Variants in AHDC1 observed in about 807,000 individuals in gnomAD.
The protein encoded by AHDC1 is AT-hook DNA binding motif containing 1, also known as transcription factor Gibbin.
Under a neutral mutation model 87.9 loss-of-function variants are expected in AHDC1, and 7 were observed. That is an observed-to-expected ratio of 0.08 (90% CI 0.05 to 0.15). The LOEUF is 0.15. Among genes scored for constraint, AHDC1 ranks in the 10% least tolerant of loss-of-function variants. The pLI is 1.00. For synonymous variants in AHDC1, 1,051 were observed against 1,006.8 expected, an observed-to-expected ratio of 1.04 and a Z score of -0.83; for missense variants, 1,841 against 2,253.2, an observed-to-expected ratio of 0.82 and a Z score of 3.70.
At chr1:27,546,262 G>A (rs1236395594) in intron 8 of AHDC1, among the ~76,000 whole-genome samples, 2 of 152,188 alleles carry the variant, frequency 1.3e-5, no homozygotes, top group African/African-American at 4.8e-5. Flanking sequence ...TCGGGAGCAG[G>A]CTGTTCTTCA....
At chr1:27,575,379 G>C (rs918540809) in intron 3 of AHDC1, among the ~76,000 whole-genome samples, 2 of 152,056 alleles carry the variant, frequency 1.3e-5, no homozygotes, top group Non-Finnish European at 2.9e-5. Flanking sequence ...GGCGGGACTG[G>C]ACCCCCGCCA....
intron 3 of AHDC1, among the ~76,000 whole-genome samples, chr1:27,572,544 T>G (rs2088566847): frequency 6.6e-6 from 1 of 152,202 alleles, no homozygotes; most frequent in African/African-American, 2.4e-5. Context: ...ACACATGCAC[T>G]GTTCAGAGGC....
In AHDC1 at chr1:27,547,422, C is replaced by A; in HGVS notation, c.4694G>T (p.Arg1565Met). 2 of 1,582,238 alleles carry A rather than the reference C, an allele frequency of 1.3e-6. No individual in the cohort carries two copies. Among genetic ancestry groups the A allele is most frequent in the South Asian group, 1.1e-5 (1 of 87,626 alleles). ...CGCCTGGGGCATAAAGCCTGGGTAC[C>A]TGTAGGCGGTGTCCTGCAGGGGCAG... ...SLLPLQDTAY[R>M]YPGFMPQAHP... The change falls in exon 8 of 9, where the codon AGG becomes ATG. Residue 1565 changes from arginine (R) to methionine (M), a missense_variant. Coordinates refer to ENST00000673934, the MANE Select transcript of AHDC1 (RefSeq NM_001371928.1). The surrounding 1 kb of genome is among the most constrained non-coding windows in gnomAD (Gnocchi z 4.9).
At chr1:27,581,131 C>T (rs191242842) in intron 3 of AHDC1, among the ~76,000 whole-genome samples, 3 of 151,898 alleles carry the variant, frequency 2.0e-5, no homozygotes, top group Admixed American at 1.3e-4. Context: ...CACCACGTCC[C>T]GCCTGTTTTT....
At position 27,563,495 on chromosome 1, in the gene AHDC1, A is replaced by G. The variant is rs2020190956; in HGVS notation, c.-628-4612T>C. Among the ~76,000 whole-genome samples the G allele has an allele frequency of 6.6e-6, 1 of 152,168 alleles. No individual in the cohort carries two copies. Among genetic ancestry groups the G allele is most frequent in the Non-Finnish European group, 1.5e-5 (1 of 68,034 alleles). ...TCCCTGCAGACTGTGGGATGGGTAC[A>G]CAACATGTCACCTCCCCGGCTGCCT... On this transcript the variant is annotated intron_variant, in intron 3 of 8. Coordinates refer to ENST00000673934, the MANE Select transcript of AHDC1 (RefSeq NM_001371928.1). The surrounding 1 kb of genome is among the most constrained non-coding windows in gnomAD (Gnocchi z 6.1).
chr1:27,567,346 T>C (rs2020365592), intron 3 of AHDC1, among the ~76,000 whole-genome samples: 1 of 151,818 alleles, frequency 6.6e-6, no homozygotes, highest in Admixed American at 6.6e-5. Flanking sequence ...GAATCCCAAT[T>C]GTTAAAGCCC....
At chr1:27,576,920 T>TA (rs1431558006) in intron 3 of AHDC1, among the ~76,000 whole-genome samples, 4 of 152,014 alleles carry the variant, frequency 2.6e-5, no homozygotes, top group African/African-American at 9.7e-5. Flanking sequence ...CACACACACA[T>TA]ATATACAGTG....
At chr1:27,596,006 T>C (rs1205011445) in intron 3 of AHDC1, among the ~76,000 whole-genome samples, 2 of 151,900 alleles carry the variant, frequency 1.3e-5, no homozygotes, top group African/African-American at 4.8e-5. Context: ...TTAGAAGGTG[T>C]TGGGAGCTGT....
Position 27,560,995 on chromosome 1 carries a change from C to T in AHDC1, c.-628-2112G>A, listed in dbSNP as rs1386813055. On this transcript the variant is annotated intron_variant, in intron 3 of 8. Transcript: ENST00000673934. The surrounding 1 kb of genome is among the most constrained non-coding windows in gnomAD (Gnocchi z 4.1). ...CTCTCTCTCTGTAGGAGCCAGACAA[C>T]TCCCCAAGCCTGGATTAGGGACAAT... is the stretch of plus-strand genomic sequence containing the variant. Among the ~76,000 whole-genome samples the T allele has an allele frequency of 1.3e-5, 2 of 152,122 alleles. No homozygotes were observed. Among genetic ancestry groups the T allele is most frequent in the Admixed American group, 6.5e-5 (1 of 15,284 alleles).
rs141395924 is a variant in AHDC1 at position 27,535,937 on chromosome 1, A to G, written c.*44-1021T>C. Among the ~76,000 whole-genome samples, 215 of 152,098 alleles carry G rather than the reference A, an allele frequency of 1.4e-3. 1 individual carries two copies. The highest frequency in any genetic ancestry group is 4.9e-3 in the African/African-American group (203 of 41,482). On this transcript the variant is annotated intron_variant, in intron 8 of 8. Coordinates refer to ENST00000673934, the MANE Select transcript of AHDC1 (RefSeq NM_001371928.1). ...AGGGATGGGCTCGGGACTTCCTAAGAGCTCCAGTCATTATTAGCCTGGTCC... is the reference window on the plus strand; with the variant it reads ...AGGGATGGGCTCGGGACTTCCTAAGGGCTCCAGTCATTATTAGCCTGGTCC...
At chr1:27,544,172 A>AG (rs762246782) in intron 8 of AHDC1, among the ~76,000 whole-genome samples, 2 of 152,032 alleles carry the variant, frequency 1.3e-5, no homozygotes, top group Non-Finnish European at 2.9e-5. Context: ...GGCGGGAGGC[A>AG]GGGGGTTGTG....
intron 3 of AHDC1, among the ~76,000 whole-genome samples, chr1:27,581,792 A>C (rs904598015): frequency 6.6e-6 from 1 of 152,234 alleles, no homozygotes; most frequent in Non-Finnish European, 1.5e-5. Flanking sequence ...CAAGGTCTTT[A>C]GCCTGACATT....
rs776342827 is a variant in AHDC1, at chr1:27,550,298, G to A, written c.1818C>T (p.Asn606=). ...SPQPSYAADA[N]DSKAEYSDVL... ...CGTCTGAGTACTCGGCCTTGCTGTC[G>A]TTGGCGTCTGCTGCATAGGATGGCT... The change falls in exon 8 of 9, where the codon AAC becomes AAT. Residue 606 remains asparagine, a synonymous_variant. Coordinates refer to ENST00000673934, the MANE Select transcript of AHDC1 (RefSeq NM_001371928.1). The A allele has an allele frequency of 3.2e-5, 51 of 1,613,988 alleles. No homozygotes were observed. Among genetic ancestry groups the A allele is most frequent in the South Asian group, 1.4e-4 (13 of 91,096 alleles).
chr1:27,553,945 G>C (rs2148308582), intron 5 of AHDC1, among the ~76,000 whole-genome samples: 1 of 152,234 alleles, frequency 6.6e-6, no homozygotes, highest in East Asian at 1.9e-4. Flanking sequence ...CACACCTGTA[G>C]TCCCAGCTAC....
intron 3 of AHDC1, among the ~76,000 whole-genome samples, chr1:27,568,712 G>T (rs1557685284): frequency 6.6e-6 from 1 of 151,794 alleles, no homozygotes; most frequent in South Asian, 2.1e-4. Flanking sequence ...CGCGGCGCGG[G>T]TGCCCGGGAG....
chr1:27,566,205 T>C (rs931521911), intron 3 of AHDC1, among the ~76,000 whole-genome samples: 1 of 151,782 alleles, frequency 6.6e-6, no homozygotes, highest in Non-Finnish European at 1.5e-5. Context: ...AAGGCAGAGA[T>C]TCAGATCCAG....
intron 3 of AHDC1, among the ~76,000 whole-genome samples, chr1:27,596,980 C>T (rs919283571): frequency 6.6e-6 from 1 of 152,240 alleles, no homozygotes; most frequent in Non-Finnish European, 1.5e-5. Flanking sequence ...CATGCAAGCA[C>T]ATGTTTATAC....
intron 3 of AHDC1, among the ~76,000 whole-genome samples, chr1:27,572,699 C>T (rs758299910): frequency 6.6e-6 from 1 of 152,234 alleles, no homozygotes; most frequent in Non-Finnish European, 1.5e-5. Context: ...TGACTCCAGC[C>T]GCTTCCCCAG....
chr1:27,601,498 C>G (rs2089527550), intron 3 of AHDC1, among the ~76,000 whole-genome samples: 1 of 152,268 alleles, frequency 6.6e-6, no homozygotes, highest in African/African-American at 2.4e-5. Flanking sequence ...TTTGCAACCC[C>G]TGAAGAGTGG....
Sources: gnomAD v4.1 joint callset for allele counts (sites outside exome capture counted in the v4.1 genomes callset) on GRCh38, gnomAD v4.1.1 for gene constraint, Gnocchi (gnomAD v3.1) non-coding constraint, MANE v1.5 for transcripts, NCBI Gene and HGNC (gene_info 2026-07-23, HGNC 2026-07-21) for gene names.